CDH23: variants seen among roughly 807,000 people sequenced by gnomAD.
CDH23 encodes cadherin related 23.
CDH23 carries 189 observed loss-of-function variants against 317.1 expected under a neutral mutation model. The observed-to-expected ratio is 0.60, with a 90% CI of 0.53 to 0.67. The LOEUF is 0.67. Among genes scored for constraint, CDH23 ranks in the 30% least tolerant of loss-of-function variants. The pLI, the probability that CDH23 is intolerant of heterozygous loss-of-function variation, is 0.00. For missense variants in CDH23, 4,401 were observed against 4,592.4 expected (o/e 0.96, Z 1.20); for synonymous variants, 1,839 against 1,876.8 (o/e 0.98, Z 0.52).
intron 9 of CDH23, among the ~76,000 whole-genome samples, chr10:71,584,574 G>GTA (rs1858909677): frequency 6.7e-6 from 1 of 149,630 alleles, no homozygotes; most frequent in African/African-American, 2.5e-5. Flanking sequence ...GTGTGTGTGT[G>GTA]TACGCAGGGA....
In CDH23 at chr10:71,732,295, A is replaced by G; in HGVS notation, c.4024A>G (p.Asn1342Asp). 1.2e-6 allele frequency: 2 copies of G among 1,612,496 alleles called. No homozygotes were observed. Among genetic ancestry groups the G allele is most frequent in the Non-Finnish European group, 1.7e-6 (2 of 1,179,148 alleles). ...IVRVQAYSID[N>D]LNQITYRFNA... ...GCGGGTCCAGGCCTACTCCATCGACAACCTCAACCAAATCACGTACCGCTT... is the reference window on the plus strand; with the variant it reads ...GCGGGTCCAGGCCTACTCCATCGACGACCTCAACCAAATCACGTACCGCTT... Residue 1342 changes from asparagine to aspartate, a missense_variant, in exon 32 of 70, where the codon AAC (asparagine) becomes GAC (aspartate). By Grantham distance (23) the Asn-to-Asp change is conservative. Around this residue, in one of 3 missense-constraint regions of CDH23, gnomAD observed 3,068 missense variants for 3,203.3 expected, o/e 0.96. Transcript: ENST00000224721.
chr10:71,727,799 C>T (rs1866883984), intron 30 of CDH23, among the ~76,000 whole-genome samples: 2 of 152,342 alleles, frequency 1.3e-5, no homozygotes, highest in South Asian at 4.1e-4. Context: ...CAGCACTGGA[C>T]AGAAAGCAGG....
rs2132967746 is a variant in CDH23, at chr10:71,799,163, C to T, written c.7107C>T (p.Asn2369=). The T allele has an allele frequency of 6.2e-7, 1 of 1,614,048 alleles. No individual in the cohort carries two copies. The highest frequency in any genetic ancestry group is 8.5e-7 in the Non-Finnish European group (1 of 1,179,886). Residue 2369 remains asparagine (N), a synonymous_variant, in exon 51 of 70, where the codon AAC becomes AAT. Transcript: ENST00000224721. Reference sequence around the variant, plus strand: ...ACTACGAGGAGGTGCACTGGCTCAACTTTACCGTGAGGGCCTCAGACAACG... The same window carrying T: ...ACTACGAGGAGGTGCACTGGCTCAATTTTACCGTGAGGGCCTCAGACAACG... ...TVDYEEVHWL[N]FTVRASDNGS... is the part of the protein sequence containing the mutation.
intron 1 of CDH23, among the ~76,000 whole-genome samples, chr10:71,405,892 G>T (rs919076178): frequency 6.6e-6 from 1 of 152,104 alleles, no homozygotes; most frequent in Non-Finnish European, 1.5e-5. Flanking sequence ...CCCAACCTCC[G>T]TCTAGTTGGT....
chr10:71,763,740 C>A (rs1024289205), intron 38 of CDH23, among the ~76,000 whole-genome samples: 5 of 152,206 alleles, frequency 3.3e-5, no homozygotes, highest in African/African-American at 9.7e-5. Flanking sequence ...AAGTGCCATG[C>A]GAGTAGTCGG....
intron 1 of CDH23, among the ~76,000 whole-genome samples, chr10:71,410,889 G>A (rs1848318365): frequency 6.6e-6 from 1 of 152,162 alleles, no homozygotes; most frequent in Non-Finnish European, 1.5e-5. Flanking sequence ...TTGTTGGACT[G>A]GCGGGTTGCT....
At chr10:71,700,126 C>T (rs188614711) in intron 22 of CDH23, among the ~76,000 whole-genome samples, 12 of 152,208 alleles carry the variant, frequency 7.9e-5, no homozygotes, top group African/African-American at 2.7e-4. Flanking sequence ...GTCGCTCACA[C>T]CTGTAATCCT....
intron 6 of CDH23, among the ~76,000 whole-genome samples, chr10:71,513,006 T>C (rs967772593): frequency 1.3e-5 from 2 of 152,098 alleles, no homozygotes; most frequent in Non-Finnish European, 1.5e-5. Flanking sequence ...TCACTTCACC[T>C]CTCTGTGCCA....
intron 44 of CDH23, among the ~76,000 whole-genome samples, chr10:71,787,353 G>A (rs1841133987): frequency 6.9e-6 from 1 of 145,140 alleles, no homozygotes; most frequent in African/African-American, 2.6e-5. Flanking sequence ...GATTCAGGGA[G>A]TACAAGCACA....
chr10:71,736,001 C>A (rs1037167870), intron 34 of CDH23, among the ~76,000 whole-genome samples: 1 of 152,268 alleles, frequency 6.6e-6, no homozygotes, highest in African/African-American at 2.4e-5. Context: ...ATACAATGGG[C>A]CCACCTGGCC....
chr10:71,653,834 A>G (rs1388099789), intron 14 of CDH23, among the ~76,000 whole-genome samples: 1 of 152,182 alleles, frequency 6.6e-6, no homozygotes, highest in African/African-American at 2.4e-5. Flanking sequence ...CACAATGAAG[A>G]GAGACGGGGC....
intron 40 of CDH23, among the ~76,000 whole-genome samples, chr10:71,778,950 A>C (rs1840883510): frequency 6.6e-6 from 1 of 152,042 alleles, no homozygotes; most frequent in South Asian, 2.1e-4. Context: ...TTTTTTGTAG[A>C]GGTGGGGTCT....
chr10:71,678,486 G>A (rs1864468168), intron 16 of CDH23, among the ~76,000 whole-genome samples: 1 of 152,196 alleles, frequency 6.6e-6, no homozygotes, highest in African/African-American at 2.4e-5. Context: ...CCTACCCCAA[G>A]GGATGGGACC....
intron 24 of CDH23, among the ~76,000 whole-genome samples, chr10:71,704,442 C>A (rs1168106704): frequency 6.6e-6 from 1 of 151,974 alleles, no homozygotes. Context: ...AAAAAAGAAC[C>A]CTTGATGTAA....
At chr10:71,638,410 G>C (rs1185368331) in intron 11 of CDH23, among the ~76,000 whole-genome samples, 1 of 152,242 alleles carries the variant, frequency 6.6e-6, no homozygotes, top group Non-Finnish European at 1.5e-5. Flanking sequence ...GAGAGACAAA[G>C]GAGGCATCTG....
At chr10:71,424,913 A>C (rs947179292) in intron 1 of CDH23, among the ~76,000 whole-genome samples, 1 of 152,144 alleles carries the variant, frequency 6.6e-6, no homozygotes, top group African/African-American at 2.4e-5. Flanking sequence ...CAGTCCCCGC[A>C]TGCCCAGTGG....
At chr10:71,634,876 G>A (rs1446804606) in intron 11 of CDH23, among the ~76,000 whole-genome samples, 5 of 152,266 alleles carry the variant, frequency 3.3e-5, no homozygotes, top group Non-Finnish European at 7.3e-5. Flanking sequence ...GGGCGTGATT[G>A]AGGGGAGCCT....
intron 38 of CDH23, chr10:71,755,534 G>T: frequency 7.0e-7 from 1 of 1,437,356 alleles, no homozygotes; most frequent in Non-Finnish European, 9.6e-7. Context: ...ATAAACTGAG[G>T]CTCAGAGAGG....
chr10:71,746,667 C>T (rs1839859728), intron 38 of CDH23, among the ~76,000 whole-genome samples: 1 of 152,198 alleles, frequency 6.6e-6, no homozygotes, highest in African/African-American at 2.4e-5. Context: ...CAGGAGTTAG[C>T]CCAACCTCAG....
Sources: allele counts gnomAD v4.1 joint callset (sites outside exome capture counted in the v4.1 genomes callset), GRCh38; gene constraint gnomAD v4.1.1; regional missense constraint gnomAD v4.1.1; transcripts MANE v1.5; gene names NCBI Gene and HGNC (gene_info 2026-07-23, HGNC 2026-07-21).